MSR1: variants seen among roughly 807,000 people sequenced by gnomAD.
The protein encoded by MSR1 is macrophage scavenger receptor 1.
In MSR1, 53 loss-of-function variants were observed where a neutral mutation model predicts 47.2. That is an observed-to-expected ratio of 1.12 (90% CI 0.90 to 1.41). The LOEUF is 1.41. Among genes scored for constraint, MSR1 ranks in the 40% most tolerant of loss-of-function variants. MSR1 has a pLI of 0.00. For synonymous variants in MSR1, 239 were observed against 185.6 expected, an observed-to-expected ratio of 1.29 and a Z score of -2.34; for missense variants, 786 against 546.9, an observed-to-expected ratio of 1.44 and a Z score of -4.36.
At chr8:16,142,458 A>C (rs966194020) in intron 8 of MSR1, among the ~76,000 whole-genome samples, 1 of 152,186 alleles carries the variant, frequency 6.6e-6, no homozygotes, top group African/African-American at 2.4e-5. Context: ...TTAATATAAC[A>C]GTAATACTCA....
At chr8:16,160,953 C>A (rs1801142765) in intron 5 of MSR1, among the ~76,000 whole-genome samples, 1 of 149,886 alleles carries the variant, frequency 6.7e-6, no homozygotes, top group Non-Finnish European at 1.5e-5. Context: ...AGGATTTAAG[C>A]AAGAGAGAGA....
chr8:16,133,455 A>T (rs1392937273), intron 8 of MSR1, among the ~76,000 whole-genome samples: 1 of 152,146 alleles, frequency 6.6e-6, no homozygotes, highest in African/African-American at 2.4e-5. Context: ...AGAAATGAGC[A>T]AGAGCATTGT....
chr8:16,117,022 T>C lies in MSR1; in HGVS notation c.1222+3396A>G, dbSNP rs558180858. 9.8e-4 allele frequency among the ~76,000 whole-genome samples: 149 copies of C among 152,276 alleles called. 2 individuals are homozygous for C. Among genetic ancestry groups the C allele is most frequent in the South Asian group, 8.3e-3 (40 of 4,824 alleles). ...GATGAAAAAGCCTCACCTCAGCCAC[T>C]GTACTACTGGGCTAGTTTCTTAAAG... On this transcript the variant is annotated intron_variant, in intron 9 of 9. Transcript: ENST00000262101.
At position 16,143,617 on chromosome 8, in the gene MSR1, G is replaced by C. The variant is rs777976709; in HGVS notation, c.980-6C>G. 1 of 1,610,208 alleles carries C rather than the reference G, an allele frequency of 6.2e-7. No individual in the cohort carries two copies. The highest frequency in any genetic ancestry group is 8.5e-7 in the Non-Finnish European group (1 of 1,177,660). On this transcript the variant is annotated splice_polypyrimidine_tract_variant and splice_region_variant and intron_variant, in intron 7 of 9. Coordinates refer to ENST00000262101, the MANE Select transcript of MSR1 (RefSeq NM_138715.3). Reference sequence around the variant, plus strand: ...GCCTTTTGGTCCAGAATTTCCTTGAGAAAAGAAGAAAAATATTTGTTTTTA... The same window carrying C: ...GCCTTTTGGTCCAGAATTTCCTTGACAAAAGAAGAAAAATATTTGTTTTTA...
intron 8 of MSR1, chr8:16,141,184 C>T (rs1787744698): frequency 1.2e-6 from 1 of 857,232 alleles, no homozygotes; most frequent in African/African-American, 1.7e-5. Flanking sequence ...GGGAATCAGG[C>T]ACTTTCATAC....
chr8:16,116,942 A>C (rs1799888296), intron 9 of MSR1, among the ~76,000 whole-genome samples: 1 of 151,916 alleles, frequency 6.6e-6, no homozygotes, highest in African/African-American at 2.4e-5. Flanking sequence ...CTTTCCTTGA[A>C]TTAAAGTACA....
intron 9 of MSR1, 105 bp from the exon 10 acceptor site, chr8:16,110,323 G>C (rs1799729508): frequency 1.5e-6 from 2 of 1,323,952 alleles, no homozygotes; most frequent in East Asian, 4.6e-5. Context: ...AAAAAGTGTT[G>C]ATTATTTTCT....
At chr8:16,137,207 G>A (rs181275094) in intron 8 of MSR1, among the ~76,000 whole-genome samples, 2 of 152,132 alleles carry the variant, frequency 1.3e-5, no homozygotes, top group Non-Finnish European at 2.9e-5. Context: ...AGCTTTGTGA[G>A]CATTCTAGGA....
At chr8:16,145,990 G>A (rs2117120448) in intron 7 of MSR1, among the ~76,000 whole-genome samples, 1 of 152,226 alleles carries the variant, frequency 6.6e-6, no homozygotes, top group East Asian at 1.9e-4. Context: ...CAGGTCATAT[G>A]TAGGAGGATA....
In MSR1 at chr8:16,108,418, T is replaced by C. The variant is rs1024659503; in HGVS notation, c.*1667A>G. ...CTTACGCATAAGTAGTAAATCAGCA[T>C]ACATATACCATACAGCAATACAGTA... On this transcript the variant is annotated 3_prime_UTR_variant, in exon 10 of 10. Transcript: ENST00000262101. 3 of 151,860 alleles carry C rather than the reference T, an allele frequency of 2.0e-5. No homozygotes were observed. Among genetic ancestry groups the C allele is most frequent in the African/African-American group, 7.3e-5 (3 of 41,356 alleles). The allele number at this position is 151,860 out of a possible 1,614,324, so 9.4% of individuals were successfully genotyped here. A position where few individuals can be genotyped will look rare whatever the true frequency, so the allele number is the denominator to read the frequency against.
chr8:16,172,072 A>G (rs1158922507), intron 3 of MSR1, among the ~76,000 whole-genome samples: 2 of 152,232 alleles, frequency 1.3e-5, no homozygotes, highest in South Asian at 2.1e-4. Flanking sequence ...ATGGGGAAGT[A>G]GCATTGTGTG....
chr8:16,142,033 A>C (rs531980907), intron 8 of MSR1, among the ~76,000 whole-genome samples: 1 of 152,256 alleles, frequency 6.6e-6, no homozygotes, highest in African/African-American at 2.4e-5. Flanking sequence ...GTCGAGTAAA[A>C]AGTACACAGC....
At chr8:16,183,897 T>TTATA (rs57992683) in intron 1 of MSR1, among the ~76,000 whole-genome samples, 1 of 142,710 alleles carries the variant, frequency 7.0e-6, no homozygotes, top group Non-Finnish European at 1.5e-5. Context: ...TAATATATAA[T>TTATA]TATATATATA....
intron 8 of MSR1, among the ~76,000 whole-genome samples, chr8:16,126,480 G>T (rs17122473): frequency 0.025 from 3,866 of 152,038 alleles, 170 homozygotes; most frequent in African/African-American, 0.086. Context: ...AAAAAATCTG[G>T]TTGCAGTTTG....
At chr8:16,181,790 A>C (rs1443869944) in intron 1 of MSR1, among the ~76,000 whole-genome samples, 1 of 147,276 alleles carries the variant, frequency 6.8e-6, no homozygotes, top group Non-Finnish European at 1.5e-5. Flanking sequence ...CCAGAACTTA[A>C]AGTATAATTT....
At chr8:16,121,776 C>T (rs1016140381) in intron 8 of MSR1, among the ~76,000 whole-genome samples, 1 of 151,698 alleles carries the variant, frequency 6.6e-6, no homozygotes, top group Non-Finnish European at 1.5e-5. Context: ...AAAAATATCT[C>T]TCTAATGTGA....
chr8:16,140,452 T>C, intron 8 of MSR1: 1 of 986,546 alleles, frequency 1.0e-6, no homozygotes, highest in Non-Finnish European at 1.2e-6. Context: ...ATACTTAAAA[T>C]TTACACCCTA....
chr8:16,139,581 A>C (rs1458384625), intron 8 of MSR1: 1 of 975,658 alleles, frequency 1.0e-6, no homozygotes, highest in African/African-American at 1.8e-5. Flanking sequence ...GAAACCAAAA[A>C]TATAACATGT....
chr8:16,166,992 G>A (rs1234517061), intron 4 of MSR1, among the ~76,000 whole-genome samples: 1 of 151,660 alleles, frequency 6.6e-6, no homozygotes, highest in Non-Finnish European at 1.5e-5. Flanking sequence ...CACTGACCTA[G>A]TTTCTAAGTC....
Sources: allele counts gnomAD v4.1 joint callset (sites outside exome capture counted in the v4.1 genomes callset), GRCh38; gene constraint gnomAD v4.1.1; transcripts MANE v1.5; gene names NCBI Gene and HGNC (gene_info 2026-07-23, HGNC 2026-07-21).